The following DAB1 variants were observed in gnomAD, a reference collection of about 807,000 sequenced individuals.
DAB1 encodes the protein disabled homolog 1.
Under a neutral mutation model 64.6 loss-of-function variants are expected in DAB1, and 15 were observed. The ratio of observed to expected loss-of-function variants is 0.23; its 90% CI spans 0.16 to 0.36. DAB1 has a LOEUF of 0.36. Ranked by LOEUF, DAB1 falls within the 10% of genes least tolerant of loss-of-function variation. The pLI is 1.00. For synonymous variants in DAB1, 235 were observed against 251.9 expected, an observed-to-expected ratio of 0.93 and a Z score of 0.64; for missense variants, 596 against 706.7, an observed-to-expected ratio of 0.84 and a Z score of 1.78.
chr1:58,455,499 C>A (rs1403427172), intron 3 of DAB1, among the ~76,000 whole-genome samples: 6 of 152,342 alleles, frequency 3.9e-5, no homozygotes, highest in Non-Finnish European at 5.9e-5. Context: ...ATGAAGTGAT[C>A]AGGAGGCGGA....
intron 1 of DAB1, among the ~76,000 whole-genome samples, chr1:58,533,456 G>A (rs1028674885): frequency 7.2e-6 from 1 of 138,720 alleles, no homozygotes; most frequent in Non-Finnish European, 1.6e-5. Flanking sequence ...AAAAAGCTCA[G>A]TAAACTGTAA....
intron 3 of DAB1, among the ~76,000 whole-genome samples, chr1:58,386,782 A>G (rs1238455185): frequency 3.9e-5 from 6 of 152,230 alleles, no homozygotes; most frequent in African/African-American, 1.4e-4. Flanking sequence ...TTGGAGAGCC[A>G]GGCGCAGTAG....
intron 3 of DAB1, among the ~76,000 whole-genome samples, chr1:58,377,246 C>T (rs1305905804): frequency 8.1e-5 from 12 of 148,136 alleles, no homozygotes; most frequent in Middle Eastern, 3.5e-3. Flanking sequence ...TGATTTTGCT[C>T]GTTAGTTGAT....
At chr1:58,347,465 G>T (rs1043672331) in intron 3 of DAB1, among the ~76,000 whole-genome samples, 4 of 152,172 alleles carry the variant, frequency 2.6e-5, no homozygotes, top group African/African-American at 7.2e-5. Context: ...TGACCTTGGT[G>T]GGAGATTGTC....
At chr1:57,302,562 A>AT (rs1251024425) in intron 1 of DAB1, among the ~76,000 whole-genome samples, 2 of 152,042 alleles carry the variant, frequency 1.3e-5, no homozygotes, top group Non-Finnish European at 2.9e-5. Context: ...CTGGATTCTT[A>AT]TTTAATTGGT....
chr1:58,277,319 C>T lies in DAB1; in HGVS notation n.309+66033G>A, dbSNP rs191248279. ...CCTCCCAAAGTGCTGGGATTACAGG[C>T]GTGACCCACCGCGCCCAGCCGATGC... On this transcript the variant is annotated intron_variant and non_coding_transcript_variant, in intron 4 of 20. Transcript: ENST00000485760. Among the ~76,000 whole-genome samples, 161 of 152,252 alleles carry T rather than the reference C, an allele frequency of 1.1e-3. 1 individual carries two copies. Among genetic ancestry groups the T allele is most frequent in the Non-Finnish European group, 9.1e-4 (62 of 68,006 alleles).
intron 4 of DAB1, among the ~76,000 whole-genome samples, chr1:58,340,657 G>A (rs936309774): frequency 2.6e-5 from 4 of 152,158 alleles, no homozygotes; most frequent in Admixed American, 6.6e-5. Flanking sequence ...AGTGGCTGAC[G>A]TGCTGTGGCT....
rs1333264045 is a variant in DAB1, at chr1:57,299,979, T to C, written c.-136-8813A>G. On this transcript the variant is annotated intron_variant, in intron 1 of 14. Coordinates refer to ENST00000371236, the MANE Select transcript of DAB1 (RefSeq NM_001365792.1). ...GCTCATACTCTTCTCCCACCTCCCC[T>C]TCTCTCCTCATCCTCTTTTTCTCTA... is the stretch of plus-strand genomic sequence containing the variant. Among the ~76,000 whole-genome samples the C allele has an allele frequency of 2.0e-5, 3 of 152,278 alleles. No individual in the cohort carries two copies. In the East Asian group the frequency reaches 5.8e-4, roughly 29 times the overall value.
chr1:58,327,623 CA>C (rs1412632629), intron 4 of DAB1, among the ~76,000 whole-genome samples: 1 of 152,148 alleles, frequency 6.6e-6, no homozygotes, highest in African/African-American at 2.4e-5. Flanking sequence ...AGTACTGCTT[CA>C]CAGGGTAAGC....
intron 7 of DAB1, among the ~76,000 whole-genome samples, chr1:57,569,118 C>T (rs1421680781): frequency 4.7e-5 from 7 of 150,014 alleles, no homozygotes; most frequent in East Asian, 3.9e-4. Flanking sequence ...ATTAGCCGGG[C>T]GAGATGGCGG....
intron 6 of DAB1, among the ~76,000 whole-genome samples, chr1:57,664,801 T>G (rs2101674960): frequency 6.6e-6 from 1 of 152,164 alleles, no homozygotes; most frequent in South Asian, 2.1e-4. Context: ...GAATGTTTTC[T>G]TAACATTTTA....
chr1:58,433,131 CAGGG>C (rs1294375122), intron 3 of DAB1, among the ~76,000 whole-genome samples: 1 of 152,210 alleles, frequency 6.6e-6, no homozygotes, highest in Non-Finnish European at 1.5e-5. Context: ...CGTTCTCACC[CAGGG>C]CACCAGCCAG....
At chr1:57,458,452 A>G (rs546306874) in intron 7 of DAB1, among the ~76,000 whole-genome samples, 7 of 152,010 alleles carry the variant, frequency 4.6e-5, no homozygotes, top group African/African-American at 1.7e-4. Context: ...GACTCAAAAA[A>G]TATGCCATTC....
chr1:57,457,308 C>G (rs1211748041), intron 7 of DAB1, among the ~76,000 whole-genome samples: 2 of 152,146 alleles, frequency 1.3e-5, no homozygotes, highest in Non-Finnish European at 2.9e-5. Flanking sequence ...TTAGAGAAAT[C>G]TGACCAGCAT....
At chr1:57,454,291 T>C (rs1232825394) in intron 7 of DAB1, among the ~76,000 whole-genome samples, 2 of 152,154 alleles carry the variant, frequency 1.3e-5, no homozygotes, top group Non-Finnish European at 2.9e-5. Context: ...AAAGAAAATA[T>C]GGTACATATA....
At chr1:57,630,831 G>A (rs936258035) in intron 7 of DAB1, among the ~76,000 whole-genome samples, 4 of 152,132 alleles carry the variant, frequency 2.6e-5, no homozygotes, top group African/African-American at 4.8e-5. Context: ...TATCTGTAGA[G>A]AAAGATCAAC....
At chr1:57,913,114 A>G (rs1358196655) in intron 5 of DAB1, among the ~76,000 whole-genome samples, 1 of 152,110 alleles carries the variant, frequency 6.6e-6, no homozygotes, top group Non-Finnish European at 1.5e-5. Flanking sequence ...ATATGGAACC[A>G]AAAAAGAGCC....
chr1:57,697,832 T>C (rs1217631564), intron 6 of DAB1, among the ~76,000 whole-genome samples: 8 of 152,146 alleles, frequency 5.3e-5, no homozygotes, highest in Non-Finnish European at 8.8e-5. Context: ...CAAATTTCAG[T>C]GTGTCACTCA....
intron 2 of DAB1, among the ~76,000 whole-genome samples, chr1:57,177,174 T>C (rs538238314): frequency 9.5e-4 from 145 of 152,228 alleles, no homozygotes; most frequent in African/African-American, 3.3e-3. Flanking sequence ...TTTCCCTATA[T>C]ATTTAACTTT....
Sources: allele counts gnomAD v4.1 joint callset (sites outside exome capture counted in the v4.1 genomes callset), GRCh38; gene constraint gnomAD v4.1.1; transcripts MANE v1.5; gene names NCBI Gene and HGNC (gene_info 2026-07-23, HGNC 2026-07-21).